The following NECAB2 variants were observed in gnomAD, a reference collection of about 807,000 sequenced individuals.
NECAB2 encodes the protein N-terminal EF-hand calcium-binding protein 2.
A neutral mutation model predicts 51.9 loss-of-function variants in NECAB2; 68 were observed. The observed-to-expected ratio is 1.31, with a 90% CI of 1.08 to 1.60. NECAB2 has a LOEUF of 1.60. NECAB2 is among the 40% of genes most tolerant of loss of function. The pLI is 0.00. For synonymous variants in NECAB2, 329 were observed against 203.5 expected (o/e 1.62, Z -5.25); for missense variants, 854 against 490.3 (o/e 1.74, Z -7.00).
rs1166590471 is a variant in NECAB2 at position 83,979,087 on chromosome 16, C to T, written c.335+535C>T. Among the ~76,000 whole-genome samples the T allele has an allele frequency of 2.0e-5, 3 of 152,316 alleles. No homozygotes were observed. In the South Asian group the frequency reaches 6.2e-4, roughly 32 times the overall value. On this transcript the variant is annotated intron_variant, in intron 3 of 12. Transcript: ENST00000305202. ...CAGAATCAGCCAAAAACTCTGTCTC[C>T]ACCCATCTCTAAATCAAGTGGAAAA...
At chr16:83,971,158 A>C (rs2084343233) in intron 1 of NECAB2, among the ~76,000 whole-genome samples, 1 of 151,608 alleles carries the variant, frequency 6.6e-6, no homozygotes, top group Admixed American at 6.6e-5. Flanking sequence ...GAAAGGTCTG[A>C]CTCCACTACA....
intron 5 of NECAB2, among the ~76,000 whole-genome samples, chr16:83,983,562 G>C (rs1456532710): frequency 2.0e-5 from 3 of 152,136 alleles, no homozygotes; most frequent in African/African-American, 7.2e-5. Flanking sequence ...TTTTTCAAAT[G>C]CCTTTTGGTA....
At chr16:84,000,060 T>TTTA (rs199933603) in intron 10 of NECAB2, among the ~76,000 whole-genome samples, 3 of 147,250 alleles carry the variant, frequency 2.0e-5, no homozygotes, top group African/African-American at 7.4e-5. Context: ...CAAGTTTTAT[T>TTTA]TTTTTTTTTT....
Position 83,968,730 on chromosome 16 carries a change from G to T in NECAB2, c.82G>T (p.Gly28Cys). Residue 28 changes from glycine to cysteine, a missense_variant, in exon 1 of 13, where the codon GGC becomes TGC. Physicochemically the swap from Gly to Cys is radical, Grantham distance 159. Coordinates refer to ENST00000305202, the MANE Select transcript of NECAB2 (RefSeq NM_019065.3). ...GCCGCCGCAGCAGGGCCGGGCGCTG[G>T]GCGGGCTGCTGCGCTGGGTGGGCGC... ...REPPQQGRAL[G>C]GLLRWVGARM... The T allele has an allele frequency of 9.6e-7, 1 of 1,040,088 alleles. No individual in the cohort carries two copies. Among genetic ancestry groups the T allele is most frequent in the Non-Finnish European group, 1.2e-6 (1 of 867,618 alleles). 64.4% of individuals were successfully genotyped at this position (1,040,088 alleles called of 1,614,324 possible).
At chr16:83,978,583 G>C in intron 3 of NECAB2, 31 bp downstream of exon 3, 1 of 1,551,154 alleles carries the variant, frequency 6.4e-7, no homozygotes, top group Non-Finnish European at 8.9e-7. Flanking sequence ...GCAGAGTGGG[G>C]GTGTGTGTGG....
At chr16:83,974,048 C>T (rs911831576) in intron 2 of NECAB2, among the ~76,000 whole-genome samples, 2 of 152,010 alleles carry the variant, frequency 1.3e-5, no homozygotes, top group Admixed American at 1.3e-4. Context: ...ACCCCCTGAG[C>T]ACAGCTGTGG....
At chr16:83,965,861 G>A (rs1258650922), upstream of NECAB2, 1 of 1,612,976 alleles carries the variant, frequency 6.2e-7, no homozygotes, top group Admixed American at 1.7e-5. Flanking sequence ...CATTGACGTG[G>A]ACCCCTTCAC....
chr16:83,979,849 C>T (rs1349624299), intron 3 of NECAB2, among the ~76,000 whole-genome samples: 1 of 152,134 alleles, frequency 6.6e-6, no homozygotes, highest in African/African-American at 2.4e-5. Context: ...GTGTGAGCCA[C>T]GAACATTAGC....
chr16:83,997,175 G>C (rs1427786512), intron 8 of NECAB2, 41 bp from the exon 9 acceptor site: 5 of 1,613,574 alleles, frequency 3.1e-6, no homozygotes, highest in Non-Finnish European at 3.4e-6. Context: ...GGGCGGAGTG[G>C]GGCTCTGGGT....
chr16:83,990,483 T>G lies in NECAB2; in HGVS notation c.460-11T>G, dbSNP rs766968769. The G allele has an allele frequency of 1.2e-6, 2 of 1,613,934 alleles. No individual in the cohort carries two copies. The highest frequency in any genetic ancestry group is 2.2e-5 in the East Asian group (1 of 44,854). ...CCTTTCCCCTCAGTGCCTCTTCTCT[T>G]CCTTCCACAGGTATATGAGGGTGGG... On this transcript the variant is annotated splice_polypyrimidine_tract_variant and intron_variant, in intron 5 of 12. Coordinates refer to ENST00000305202, the MANE Select transcript of NECAB2 (RefSeq NM_019065.3).
At chr16:83,988,584 G>C (rs2077832) in intron 5 of NECAB2, among the ~76,000 whole-genome samples, 26,245 of 152,082 alleles carry the variant, frequency 0.17, 4,327 homozygotes, top group African/African-American at 0.44. Context: ...ATCGCTGTTA[G>C]TTCTTGTCAT....
chr16:84,001,225 G>A (rs1233821058), intron 11 of NECAB2, among the ~76,000 whole-genome samples: 1 of 151,778 alleles, frequency 6.6e-6, no homozygotes, highest in Admixed American at 6.6e-5. Flanking sequence ...GATGGGGTAG[G>A]GTGTCAGCAG....
intron 5 of NECAB2, among the ~76,000 whole-genome samples, chr16:83,989,915 C>T (rs779318932): frequency 2.6e-5 from 4 of 152,290 alleles, no homozygotes; most frequent in Admixed American, 6.5e-5. Context: ...TACTAAGCCC[C>T]GGGCACTTTC....
At chr16:83,988,044 T>C (rs556354085) in intron 5 of NECAB2, among the ~76,000 whole-genome samples, 187 of 152,366 alleles carry the variant, frequency 1.2e-3, no homozygotes, top group African/African-American at 4.3e-3. Context: ...TATTGTACCT[T>C]ATGCTGTTCA....
chr16:84,002,151 A>ATTTCCCTTCCCAG (rs2084849275), intron 12 of NECAB2, among the ~76,000 whole-genome samples, 167 bp from the exon 13 acceptor site: 2 of 151,946 alleles, frequency 1.3e-5, no homozygotes, highest in Non-Finnish European at 2.9e-5. Context: ...GCCAGACTGA[A>ATTTCCCTTCCCAG]TTTCCCTTCC....
At chr16:84,001,000 C>A (rs116145580) in intron 11 of NECAB2, among the ~76,000 whole-genome samples, 199 bp downstream of exon 11, 1 of 151,926 alleles carries the variant, frequency 6.6e-6, no homozygotes, top group Non-Finnish European at 1.5e-5. Flanking sequence ...AGAGCCCCCA[C>A]CACACTCAGC....
At chr16:84,000,668 C>A in intron 10 of NECAB2, 56 bp from the exon 11 acceptor site, 1 of 1,526,324 alleles carries the variant, frequency 6.6e-7, no homozygotes, top group Non-Finnish European at 9.1e-7. Flanking sequence ...GGGAACAGCA[C>A]TGAGGTGGCC....
chr16:83,994,532 C>A (rs764084996), intron 7 of NECAB2, 77 bp from the exon 8 acceptor site: 3 of 1,601,132 alleles, frequency 1.9e-6, no homozygotes, highest in Non-Finnish European at 1.7e-6. Context: ...CCTGGAGGGG[C>A]TGGATGTTTC....
chr16:83,997,622 G>T (rs961143689), intron 9 of NECAB2, among the ~76,000 whole-genome samples: 1 of 151,440 alleles, frequency 6.6e-6, no homozygotes, highest in Non-Finnish European at 1.5e-5. Context: ...TGAGTAGCTG[G>T]GATTACAGGT....
Sources: allele counts gnomAD v4.1 joint callset (sites outside exome capture counted in the v4.1 genomes callset), GRCh38; gene constraint gnomAD v4.1.1; transcripts MANE v1.5; gene names NCBI Gene and HGNC (gene_info 2026-07-23, HGNC 2026-07-21).